Variants in EPHA6 observed in about 807,000 individuals in gnomAD.
EPHA6 encodes the protein EPH receptor A6.
In EPHA6, 50 loss-of-function variants were observed where a neutral mutation model predicts 112.0. The observed-to-expected ratio is 0.45, with a 90% CI of 0.36 to 0.56. EPHA6 has a LOEUF of 0.56. Among genes scored for constraint, EPHA6 ranks in the 20% least tolerant of loss-of-function variants. EPHA6 has a pLI of 0.00. For synonymous variants in EPHA6, 529 were observed against 490.7 expected, an observed-to-expected ratio of 1.08 and a Z score of -1.03; for missense variants, 1,280 against 1,417.4, an observed-to-expected ratio of 0.90 and a Z score of 1.56.
Position 97,203,689 on chromosome 3 carries a change from G to A in EPHA6, c.1115-22575G>A, listed in dbSNP as rs577270495. 4.7e-4 allele frequency among the ~76,000 whole-genome samples: 71 copies of A among 152,160 alleles called. 1 individual carries two copies. Among genetic ancestry groups the A allele is most frequent in the Non-Finnish European group, 7.8e-4 (53 of 67,972 alleles). ...GTCAGGAGTCAGGAGTCTTGAACTC[G>A]GAATCCATCTCAAGTACTAATCCAA... On this transcript the variant is annotated intron_variant, in intron 3 of 17. Transcript: ENST00000389672.
At chr3:97,596,414 G>C (rs2107370212) in intron 12 of EPHA6, among the ~76,000 whole-genome samples, 1 of 152,128 alleles carries the variant, frequency 6.6e-6, no homozygotes, top group East Asian at 1.9e-4. Context: ...TTGGCAGTTT[G>C]ATGTTTGCCA....
At position 97,481,348 on chromosome 3, in the gene EPHA6, T is replaced by C. The variant is rs551701587; in HGVS notation, c.2074+1984T>C. The C allele has an allele frequency of 1.8e-4, 274 of 1,558,184 alleles. 3 individuals are homozygous for C. In the East Asian group the frequency reaches 6.1e-3, roughly 35 times the overall value. On this transcript the variant is annotated intron_variant, in intron 9 of 17. Transcript: ENST00000389672. ...AGAGATGTTTCACTTGTGCAAAATATCCAACATAGCTATTCTGAGAAGGAG... is the reference window on the plus strand; with the variant it reads ...AGAGATGTTTCACTTGTGCAAAATACCCAACATAGCTATTCTGAGAAGGAG...
intron 3 of EPHA6, among the ~76,000 whole-genome samples, chr3:97,210,656 C>T (rs1316992289): frequency 6.6e-6 from 1 of 152,200 alleles, no homozygotes; most frequent in Non-Finnish European, 1.5e-5. Flanking sequence ...GAATGGACCT[C>T]TGTCTAACTT....
At chr3:97,297,794 C>T (rs1402720013) in intron 5 of EPHA6, among the ~76,000 whole-genome samples, 8 of 152,008 alleles carry the variant, frequency 5.3e-5, no homozygotes, top group East Asian at 1.9e-4. Context: ...GACAGAGTCT[C>T]GCTCTGTTGC....
intron 5 of EPHA6, among the ~76,000 whole-genome samples, chr3:97,296,505 G>A (rs1298575291): frequency 1.3e-5 from 2 of 152,184 alleles, no homozygotes; most frequent in Non-Finnish European, 2.9e-5. Flanking sequence ...CCAGTTTATA[G>A]AGAGCATGCA....
intron 5 of EPHA6, among the ~76,000 whole-genome samples, chr3:97,381,706 A>G (rs2085745328): frequency 6.6e-6 from 1 of 152,150 alleles, no homozygotes; most frequent in African/African-American, 2.4e-5. Flanking sequence ...TGTGTACATC[A>G]TATACAAATG....
At chr3:97,226,229 A>T in intron 3 of EPHA6, 35 bp from the exon 4 acceptor site, 1 of 1,557,092 alleles carries the variant, frequency 6.4e-7, no homozygotes, top group Admixed American at 2.0e-5. Flanking sequence ...TCCTAGCAAT[A>T]ATAACTAAAA....
chr3:97,221,650 A>T (rs1340949960), intron 3 of EPHA6, among the ~76,000 whole-genome samples: 1 of 152,216 alleles, frequency 6.6e-6, no homozygotes, highest in Non-Finnish European at 1.5e-5. Flanking sequence ...CACTAATTGA[A>T]TAGATACACA....
chr3:97,123,273 G>A (rs1195021284), intron 3 of EPHA6, among the ~76,000 whole-genome samples: 1 of 151,978 alleles, frequency 6.6e-6, no homozygotes, highest in South Asian at 2.1e-4. Context: ...AAATATACAC[G>A]TGCTGCCACA....
intron 15 of EPHA6, among the ~76,000 whole-genome samples, chr3:97,730,267 G>T (rs1213799222): frequency 6.6e-6 from 1 of 152,048 alleles, no homozygotes; most frequent in African/African-American, 2.4e-5. Context: ...AGAACAGCCT[G>T]CTACGTGCCC....
intron 3 of EPHA6, among the ~76,000 whole-genome samples, chr3:97,037,871 A>G (rs1334848149): frequency 6.6e-6 from 1 of 152,016 alleles, no homozygotes; most frequent in Non-Finnish European, 1.5e-5. Flanking sequence ...GTAAGAGGAG[A>G]AAGTGTGATA....
At chr3:97,686,462 A>C (rs555944999) in intron 14 of EPHA6, among the ~76,000 whole-genome samples, 6 of 152,368 alleles carry the variant, frequency 3.9e-5, no homozygotes, top group Non-Finnish European at 8.8e-5. Flanking sequence ...GCAGTAAATC[A>C]GATGCATAAA....
At chr3:97,348,927 A>G (rs777206888) in intron 5 of EPHA6, among the ~76,000 whole-genome samples, 1 of 152,100 alleles carries the variant, frequency 6.6e-6, no homozygotes, top group Non-Finnish European at 1.5e-5. Context: ...TAATTTTACC[A>G]AATAGACAAT....
chr3:97,213,011 G>A (rs1281840060), intron 3 of EPHA6, among the ~76,000 whole-genome samples: 2 of 152,140 alleles, frequency 1.3e-5, no homozygotes, highest in Non-Finnish European at 2.9e-5. Context: ...TGATACCTGG[G>A]TGCTGGTCTT....
intron 3 of EPHA6, among the ~76,000 whole-genome samples, chr3:97,085,496 G>C (rs1417322311): frequency 2.0e-5 from 3 of 152,054 alleles, no homozygotes; most frequent in African/African-American, 4.8e-5. Flanking sequence ...AGTTACTTTG[G>C]GGGTACTAGA....
rs146354543 is a variant in EPHA6, at chr3:97,618,044, C to T, written c.2574+7190C>T. On this transcript the variant is annotated intron_variant, in intron 13 of 17. Coordinates refer to ENST00000389672, the MANE Select transcript of EPHA6 (RefSeq NM_001080448.3). Reference sequence around the variant, plus strand: ...ACATAATTGGAAGTAAATCACTCCTCAGCAAATGTGAAAGAACTGATATCA... The same window carrying T: ...ACATAATTGGAAGTAAATCACTCCTTAGCAAATGTGAAAGAACTGATATCA... 5.3e-3 allele frequency among the ~76,000 whole-genome samples: 801 copies of T among 152,222 alleles called. 7 individuals are homozygous for T. The highest frequency in any genetic ancestry group is 0.018 in the African/African-American group (731 of 41,564).
At chr3:97,621,581 A>G (rs2093814588) in intron 13 of EPHA6, among the ~76,000 whole-genome samples, 3 of 151,862 alleles carry the variant, frequency 2.0e-5, no homozygotes, top group Admixed American at 1.3e-4. Flanking sequence ...TCCTAAGAAG[A>G]AAGTTGAACC....
chr3:96,915,714 A>C (rs1218684020), intron 2 of EPHA6, among the ~76,000 whole-genome samples: 1 of 152,116 alleles, frequency 6.6e-6, no homozygotes, highest in Non-Finnish European at 1.5e-5. Flanking sequence ...GTTGATAATC[A>C]TAGCAATTGC....
chr3:97,533,862 A>G (rs1450209809), intron 11 of EPHA6, among the ~76,000 whole-genome samples: 1 of 152,118 alleles, frequency 6.6e-6, no homozygotes, highest in Non-Finnish European at 1.5e-5. Context: ...CAGCCTTGTG[A>G]GTGAACCATC....
Sources: allele counts gnomAD v4.1 joint callset (sites outside exome capture counted in the v4.1 genomes callset), GRCh38; gene constraint gnomAD v4.1.1; transcripts MANE v1.5; gene names NCBI Gene and HGNC (gene_info 2026-07-23, HGNC 2026-07-21).